Variants in NDUFA5 observed in about 807,000 individuals in gnomAD.
NDUFA5 encodes the protein NADH:ubiquinone oxidoreductase subunit A5, also known as NADH dehydrogenase [ubiquinone] 1 alpha subcomplex subunit 5.
In NDUFA5, 11 loss-of-function variants were observed where a neutral mutation model predicts 19.8. The ratio of observed to expected loss-of-function variants is 0.56; its 90% CI spans 0.35 to 0.92. The LOEUF (loss-of-function observed/expected upper bound fraction) is 0.92, where lower values mean the gene tolerates loss of function less well. Ranked by LOEUF, NDUFA5 falls within the 40% of genes least tolerant of loss-of-function variation. The pLI is 0.01. For missense variants in NDUFA5, 109 were observed against 134.2 expected, an observed-to-expected ratio of 0.81 and a Z score of 0.93; for synonymous variants, 47 against 46.8, an observed-to-expected ratio of 1.00 and a Z score of -0.01.
At chr7:123,552,997 C>G (rs1298676804) in intron 2 of NDUFA5, among the ~76,000 whole-genome samples, 1 of 152,222 alleles carries the variant, frequency 6.6e-6, no homozygotes, top group African/African-American at 2.4e-5. Context: ...ATCTGCCTTT[C>G]TTTACCTCAA....
chr7:123,538,979 G>A lies in NDUFA5; in HGVS notation c.*3140C>T, dbSNP rs1346893904. On this transcript the variant is annotated 3_prime_UTR_variant, in exon 5 of 5. Coordinates refer to ENST00000355749, the MANE Select transcript of NDUFA5 (RefSeq NM_005000.5). ...CTCCTCTGAATGTGATTAGAAAATT[G>A]ACAATAAAATATAAGCTCTCTTTTC... is the stretch of plus-strand genomic sequence containing the variant. The A allele has an allele frequency of 6.6e-6, 1 of 152,192 alleles. No homozygotes were observed. Among genetic ancestry groups the A allele is most frequent in the Non-Finnish European group, 1.5e-5 (1 of 68,040 alleles). The allele number at this position is 152,192 out of a possible 1,614,324, so 9.4% of individuals were successfully genotyped here. A position where few individuals can be genotyped will look rare whatever the true frequency, so the allele number is the denominator to read the frequency against.
At chr7:123,595,115 G>A in the NDUFA5 span, among the ~76,000 whole-genome samples, 1 of 152,226 alleles carries the variant, frequency 6.6e-6, no homozygotes, top group Non-Finnish European at 1.5e-5. Flanking sequence ...GCTGAGCCAG[G>A]CATGGGAGGC....
upstream of NDUFA5, chr7:123,557,830 TG>T (rs771244020): frequency 1.2e-6 from 2 of 1,613,986 alleles, no homozygotes. Flanking sequence ...CACAACCCTT[TG>T]GGAACAATTC....
intron 2 of NDUFA5, chr7:123,556,307 T>G (rs2116198599): frequency 6.6e-6 from 1 of 152,366 alleles, no homozygotes; most frequent in South Asian, 2.1e-4. Context: ...ACTAAGCAAT[T>G]AAATATTCAG....
the NDUFA5 span, among the ~76,000 whole-genome samples, chr7:123,572,282 T>C: frequency 6.6e-6 from 1 of 151,342 alleles, no homozygotes; most frequent in African/African-American, 2.4e-5. Context: ...GCTGGGACTG[T>C]AGGCACGCGC....
intron 3 of NDUFA5, among the ~76,000 whole-genome samples, chr7:123,548,581 C>T (rs150576014): frequency 2.7e-4 from 41 of 152,188 alleles, no homozygotes; most frequent in African/African-American, 7.7e-4. Context: ...GCAAGGAATC[C>T]ACAGAACTGC....
the NDUFA5 span, among the ~76,000 whole-genome samples, chr7:123,583,669 G>A: frequency 2.0e-5 from 3 of 151,926 alleles, no homozygotes; most frequent in Non-Finnish European, 4.4e-5. Flanking sequence ...AGAAGGCACA[G>A]GAAAGAGGAG....
the NDUFA5 span, among the ~76,000 whole-genome samples, chr7:123,576,763 G>A: frequency 6.6e-6 from 1 of 152,142 alleles, no homozygotes; most frequent in Non-Finnish European, 1.5e-5. Flanking sequence ...CCTTTAGAAA[G>A]TATATTTTTG....
the NDUFA5 span, among the ~76,000 whole-genome samples, chr7:123,577,629 T>C: frequency 4.6e-5 from 7 of 152,272 alleles, no homozygotes; most frequent in Non-Finnish European, 8.8e-5. Flanking sequence ...CTCTTAGAAA[T>C]TGATCAAAAA....
chr7:123,565,035 T>C, the NDUFA5 span, among the ~76,000 whole-genome samples: 2 of 151,942 alleles, frequency 1.3e-5, no homozygotes, highest in Non-Finnish European at 2.9e-5. Flanking sequence ...AGTCCCACAA[T>C]CTGCTGTCTG....
chr7:123,560,539 A>G (rs1014682080), upstream of NDUFA5, among the ~76,000 whole-genome samples: 4 of 152,260 alleles, frequency 2.6e-5, no homozygotes, highest in East Asian at 3.8e-4. Flanking sequence ...AATACTATGG[A>G]TGAGGTGGCT....
chr7:123,557,089 C>T (rs1286787409), intron 2 of NDUFA5: 1 of 579,556 alleles, frequency 1.7e-6, no homozygotes, highest in Non-Finnish European at 3.2e-6. Flanking sequence ...AACGGTAAGG[C>T]AAGGAGAAAA....
At chr7:123,593,918 A>G in the NDUFA5 span, among the ~76,000 whole-genome samples, 6 of 152,148 alleles carry the variant, frequency 3.9e-5, no homozygotes, top group East Asian at 3.9e-4. Flanking sequence ...AGGTACACCA[A>G]TCAAACATAG....
chr7:123,550,907 A>G (rs1221996427), intron 2 of NDUFA5, among the ~76,000 whole-genome samples: 1 of 152,174 alleles, frequency 6.6e-6, no homozygotes. Context: ...AAATCGAATC[A>G]TTTACCAAAT....
chr7:123,549,031 G>A (rs1476110855), intron 3 of NDUFA5, among the ~76,000 whole-genome samples: 1 of 152,106 alleles, frequency 6.6e-6, no homozygotes, highest in Non-Finnish European at 1.5e-5. Context: ...GTAACCTAGA[G>A]ATGATTTAAA....
At chr7:123,550,396 T>C in intron 3 of NDUFA5, 74 bp downstream of exon 3, 1 of 803,166 alleles carries the variant, frequency 1.2e-6, no homozygotes, top group Non-Finnish European at 2.1e-6. Context: ...GTGTGTCGAA[T>C]ATATAAAAAA....
chr7:123,545,009 T>A (rs28477351), intron 4 of NDUFA5, among the ~76,000 whole-genome samples: 3 of 151,902 alleles, frequency 2.0e-5, no homozygotes, highest in African/African-American at 7.2e-5. Flanking sequence ...AATTTCCCAA[T>A]AGAATAATTT....
chr7:123,583,185 G>T, the NDUFA5 span, among the ~76,000 whole-genome samples: 1 of 151,816 alleles, frequency 6.6e-6, no homozygotes, highest in Non-Finnish European at 1.5e-5. Context: ...GAGGCCAGGA[G>T]TTCAAGATCA....
At chr7:123,586,690 T>C in the NDUFA5 span, among the ~76,000 whole-genome samples, 1 of 151,728 alleles carries the variant, frequency 6.6e-6, no homozygotes, top group Non-Finnish European at 1.5e-5. Context: ...AGTTTTACAG[T>C]TTCAAGTCTT....
Sources: allele counts gnomAD v4.1 joint callset (sites outside exome capture counted in the v4.1 genomes callset), GRCh38; gene constraint gnomAD v4.1.1; transcripts MANE v1.5; gene names NCBI Gene and HGNC (gene_info 2026-07-23, HGNC 2026-07-21).